The following TMTC1 variants were observed in gnomAD, a reference collection of about 807,000 sequenced individuals.
TMTC1 encodes protein O-mannosyl-transferase TMTC1.
TMTC1 carries 73 observed loss-of-function variants against 104.8 expected under a neutral mutation model. The ratio of observed to expected loss-of-function variants is 0.70; its 90% confidence interval spans 0.58 to 0.85. TMTC1 has a LOEUF of 0.85. Ranked by LOEUF, TMTC1 falls within the 40% of genes least tolerant of loss-of-function variation. TMTC1 has a pLI of 0.00. For synonymous variants in TMTC1, 434 were observed against 428.7 expected (o/e 1.01, Z -0.15); for missense variants, 1,035 against 1,096.1 (o/e 0.94, Z 0.79).
chr12:29,514,605 C>T lies in TMTC1; in HGVS notation c.2308-1G>A. The T allele has an allele frequency of 6.2e-7, 1 of 1,604,962 alleles. No homozygotes were observed. Among genetic ancestry groups the T allele is most frequent in the East Asian group, 2.2e-5 (1 of 44,836 alleles). On this transcript the variant is annotated splice_acceptor_variant, in intron 15 of 17. Coordinates refer to ENST00000539277, the MANE Select transcript of TMTC1 (RefSeq NM_001193451.2). LOFTEE classifies it high-confidence loss of function. ...GAGCCTTGTCTATAGCATCAAGTGC[C>T]TGCAGAGGTTGGAAATTAAGACAGA...
At chr12:29,626,747 A>G (rs1938014191) in intron 6 of TMTC1, among the ~76,000 whole-genome samples, 1 of 152,198 alleles carries the variant, frequency 6.6e-6, no homozygotes, top group African/African-American at 2.4e-5. Context: ...GTATTTTTAG[A>G]TTTGACAATA....
chr12:29,636,721 G>A (rs1048883713), intron 5 of TMTC1, among the ~76,000 whole-genome samples: 1 of 151,828 alleles, frequency 6.6e-6, no homozygotes, highest in Admixed American at 6.6e-5. Flanking sequence ...GGGAGGCTGA[G>A]GCAGGGGAAT....
At chr12:29,585,093 C>G (rs1323872071) in intron 7 of TMTC1, among the ~76,000 whole-genome samples, 1 of 149,660 alleles carries the variant, frequency 6.7e-6, no homozygotes, top group African/African-American at 2.5e-5. Flanking sequence ...ACATCCTCTC[C>G]AGCACCTGTT....
chr12:29,531,311 G>GA (rs1333389831), intron 11 of TMTC1, among the ~76,000 whole-genome samples: 2 of 152,172 alleles, frequency 1.3e-5, no homozygotes, highest in Non-Finnish European at 2.9e-5. Context: ...GAACCTACCT[G>GA]ACCCAGGACT....
In TMTC1 at chr12:29,590,186, A is replaced by C. The variant is rs890165992; in HGVS notation, c.1251-6612T>G. ...GCTCATGGGCCATATACAGTAACAA[A>C]AAAAAAAAAACCTTTATCTGAGGAA... On this transcript the variant is annotated intron_variant, in intron 7 of 17. Transcript: ENST00000539277. 1.6e-4 allele frequency among the ~76,000 whole-genome samples: 25 copies of C among 152,132 alleles called. No individual in the cohort carries two copies. The South Asian group carries it at 2.3e-3, about 14-fold the overall frequency.
intron 10 of TMTC1, among the ~76,000 whole-genome samples, chr12:29,539,326 A>G (rs186331176): frequency 6.6e-5 from 10 of 151,016 alleles, no homozygotes; most frequent in African/African-American, 2.4e-4. Context: ...CAGTCCTACA[A>G]TACTATTGGA....
intron 5 of TMTC1, chr12:29,641,381 A>G (rs936847730): frequency 1.3e-5 from 2 of 152,372 alleles, no homozygotes; most frequent in Non-Finnish European, 2.9e-5. Flanking sequence ...ACTAGTATCC[A>G]TGGCTGAGAG....
intron 11 of TMTC1, among the ~76,000 whole-genome samples, chr12:29,526,904 A>G (rs756731635): frequency 6.6e-6 from 1 of 152,182 alleles, no homozygotes; most frequent in Non-Finnish European, 1.5e-5. Flanking sequence ...TTTGGAACAT[A>G]TATTAATAAT....
intron 7 of TMTC1, among the ~76,000 whole-genome samples, chr12:29,595,836 G>A (rs142319095): frequency 9.2e-5 from 14 of 152,350 alleles, no homozygotes; most frequent in African/African-American, 3.1e-4. Flanking sequence ...ACTGAGGACT[G>A]AAGACGTGGA....
chr12:29,570,891 C>G (rs1447720775), intron 9 of TMTC1, among the ~76,000 whole-genome samples: 2 of 147,814 alleles, frequency 1.4e-5, no homozygotes, highest in African/African-American at 5.1e-5. Flanking sequence ...ACCCCCCCCC[C>G]CCGCCAAAAC....
intron 5 of TMTC1, among the ~76,000 whole-genome samples, chr12:29,711,505 C>T (rs892916320): frequency 3.9e-5 from 6 of 152,092 alleles, no homozygotes; most frequent in African/African-American, 9.7e-5. Flanking sequence ...TGACCTAGGA[C>T]GGGTGTTGGT....
intron 4 of TMTC1, among the ~76,000 whole-genome samples, chr12:29,752,246 G>A (rs933784191): frequency 6.6e-6 from 1 of 151,974 alleles, no homozygotes; most frequent in East Asian, 1.9e-4. Flanking sequence ...TTATAATCTT[G>A]TAAGATATTG....
At chr12:29,656,071 C>T (rs963122026) in intron 5 of TMTC1, among the ~76,000 whole-genome samples, 1 of 151,978 alleles carries the variant, frequency 6.6e-6, no homozygotes, top group Admixed American at 6.6e-5. Flanking sequence ...CCAGCCAAGT[C>T]GCAGCTAAAC....
At position 29,737,138 on chromosome 12, in the gene TMTC1, C is replaced by T. The variant is rs115922198; in HGVS notation, c.938+14528G>A. ...AATGACTTTCTGAAAAGTGCTGAGCCGGGTGCTCTGAACAGAGACATCCTA... is the reference window on the plus strand; with the variant it reads ...AATGACTTTCTGAAAAGTGCTGAGCTGGGTGCTCTGAACAGAGACATCCTA... On this transcript the variant is annotated intron_variant, in intron 5 of 17. Transcript: ENST00000539277. Among the ~76,000 whole-genome samples the T allele has an allele frequency of 9.6e-3, 1,461 of 152,318 alleles. 28 individuals are homozygous for T. The highest frequency in any genetic ancestry group is 0.033 in the African/African-American group (1,367 of 41,572).
At chr12:29,523,208 T>C (rs1466172743) in intron 11 of TMTC1, among the ~76,000 whole-genome samples, 1 of 152,190 alleles carries the variant, frequency 6.6e-6, no homozygotes, top group Non-Finnish European at 1.5e-5. Context: ...ACAAATTAAA[T>C]GTAACAAAGT....
Position 29,521,562 on chromosome 12 carries a change from CTTTCTTTTTTTT to C in TMTC1, c.1786-854_1786-843del, listed in dbSNP as rs1944161560. 3.0e-5 allele frequency among the ~76,000 whole-genome samples: 3 copies of C among 99,022 alleles called. No individual in the cohort carries two copies. The South Asian group carries it at 9.0e-4, about 30-fold the overall frequency. The allele number at this position is 99,022 out of a possible 152,430, so 65.0% of individuals were successfully genotyped here. On this transcript the variant is annotated intron_variant, in intron 11 of 17. Transcript: ENST00000539277. ...TTTAGGTACATTTTTCTTTTTCTTT[CTTTCTTTTTTTT>C]TTTTTTTTTGAGACAGAGAGTCTCA...
chr12:29,657,255 C>T (rs1351194267), intron 5 of TMTC1, among the ~76,000 whole-genome samples: 1 of 152,146 alleles, frequency 6.6e-6, no homozygotes, highest in Non-Finnish European at 1.5e-5. Context: ...TGGTTTTTCT[C>T]TTAAAGACAA....
chr12:29,587,188 A>G (rs1946160893), intron 7 of TMTC1, among the ~76,000 whole-genome samples: 1 of 152,088 alleles, frequency 6.6e-6, no homozygotes, highest in African/African-American at 2.4e-5. Context: ...CGAGGAATTT[A>G]TCCATTTCTT....
chr12:29,609,745 G>C (rs1946794834), intron 6 of TMTC1: 1 of 152,296 alleles, frequency 6.6e-6, no homozygotes. Context: ...GTGCCTGACT[G>C]TTTTGGGCAA....
Sources: allele counts gnomAD v4.1 joint callset (sites outside exome capture counted in the v4.1 genomes callset), GRCh38; gene constraint gnomAD v4.1.1; transcripts MANE v1.5; gene names NCBI Gene and HGNC (gene_info 2026-07-23, HGNC 2026-07-21).